The following LINGO2 variants were observed in gnomAD, a reference collection of about 807,000 sequenced individuals.
The protein encoded by LINGO2 is leucine-rich repeat and immunoglobulin-like domain-containing nogo receptor-interacting protein 2.
In LINGO2, 14 loss-of-function variants were observed where a neutral mutation model predicts 30.6. The observed-to-expected ratio is 0.46, with a 90% CI of 0.30 to 0.72. The LOEUF (loss-of-function observed/expected upper bound fraction) is 0.72, where lower values mean the gene tolerates loss of function less well. Ranked by LOEUF, LINGO2 falls within the 30% of genes least tolerant of loss-of-function variation. The pLI is 0.07. For synonymous variants in LINGO2, 317 were observed against 288.5 expected (o/e 1.10, Z -1.00); for missense variants, 729 against 751.7 (o/e 0.97, Z 0.35).
chr9:28,045,983 C>T (rs1358757417), intron 4 of LINGO2, among the ~76,000 whole-genome samples: 1 of 152,068 alleles, frequency 6.6e-6, no homozygotes, highest in Non-Finnish European at 1.5e-5. Flanking sequence ...TCATGTGTCC[C>T]TTTGGCAAAA....
At chr9:28,971,231 A>G in the LINGO2 span, among the ~76,000 whole-genome samples, 1 of 152,194 alleles carries the variant, frequency 6.6e-6, no homozygotes, top group Non-Finnish European at 1.5e-5. Context: ...AATCAAAAGT[A>G]ATACCCAGGT....
At chr9:29,135,415 A>G in the LINGO2 span, among the ~76,000 whole-genome samples, 37,355 of 151,804 alleles carry the variant, frequency 0.25, 4,773 homozygotes, top group East Asian at 0.44. Flanking sequence ...AAAATTAGCC[A>G]GGCATGGTGG....
intron 4 of LINGO2, among the ~76,000 whole-genome samples, chr9:28,154,202 A>G (rs1828072356): frequency 6.6e-6 from 1 of 152,188 alleles, no homozygotes; most frequent in African/African-American, 2.4e-5. Flanking sequence ...CCACATTTCT[A>G]TCAAAGACAT....
chr9:28,103,649 T>G (rs189173732), intron 4 of LINGO2, among the ~76,000 whole-genome samples: 1 of 152,300 alleles, frequency 6.6e-6, no homozygotes, highest in Non-Finnish European at 1.5e-5. Flanking sequence ...CTATTTAGCT[T>G]AGCCTAATCA....
At chr9:28,688,488 A>G in the LINGO2 span, among the ~76,000 whole-genome samples, 1 of 152,152 alleles carries the variant, frequency 6.6e-6, no homozygotes, top group Non-Finnish European at 1.5e-5. Context: ...TGGCAATGTT[A>G]TCTGTAACCA....
chr9:28,751,366 C>T, the LINGO2 span, among the ~76,000 whole-genome samples: 1 of 149,744 alleles, frequency 6.7e-6, no homozygotes, highest in South Asian at 2.1e-4. Flanking sequence ...TGAACCAGAA[C>T]CAGCATGTCC....
At chr9:28,748,405 T>C in the LINGO2 span, among the ~76,000 whole-genome samples, 2 of 132,688 alleles carry the variant, frequency 1.5e-5, no homozygotes, top group African/African-American at 5.6e-5. Flanking sequence ...TTCTAACAAC[T>C]TCTTAAAAAA....
At chr9:29,031,440 G>A in the LINGO2 span, among the ~76,000 whole-genome samples, 10 of 151,954 alleles carry the variant, frequency 6.6e-5, no homozygotes, top group African/African-American at 2.4e-4. Context: ...TTGCCACCAT[G>A]CCTGGCTAAT....
At chr9:29,107,261 A>C in the LINGO2 span, among the ~76,000 whole-genome samples, 3 of 152,180 alleles carry the variant, frequency 2.0e-5, no homozygotes, top group African/African-American at 2.4e-5. Flanking sequence ...ATTCACAAAG[A>C]TTACAATATA....
At chr9:28,231,002 C>A (rs1821335329) in intron 4 of LINGO2, among the ~76,000 whole-genome samples, 1 of 151,864 alleles carries the variant, frequency 6.6e-6, no homozygotes, top group African/African-American at 2.4e-5. Flanking sequence ...TCAGCTATGA[C>A]CACTATTTAT....
intron 4 of LINGO2, among the ~76,000 whole-genome samples, chr9:28,246,704 A>G (rs1822012204): frequency 6.6e-6 from 1 of 152,166 alleles, no homozygotes; most frequent in South Asian, 2.1e-4. Flanking sequence ...AAAAGCTTGT[A>G]TGATGACATC....
the LINGO2 span, among the ~76,000 whole-genome samples, chr9:29,082,112 C>T: frequency 1.3e-5 from 2 of 152,054 alleles, no homozygotes; most frequent in Non-Finnish European, 2.9e-5. Flanking sequence ...AAAGAGCCTG[C>T]ATCGCCAAGT....
At chr9:28,681,074 G>A in the LINGO2 span, among the ~76,000 whole-genome samples, 34 of 152,002 alleles carry the variant, frequency 2.2e-4, no homozygotes, top group South Asian at 1.0e-3. Context: ...GAAGTTTCAC[G>A]TCTTATATGA....
At chr9:28,848,588 A>G in the LINGO2 span, among the ~76,000 whole-genome samples, 1 of 150,770 alleles carries the variant, frequency 6.6e-6, no homozygotes, top group African/African-American at 2.4e-5. Context: ...TCATCTCAAC[A>G]AGACCCTCTG....
At chr9:28,098,776 T>C (rs1587845197) in intron 4 of LINGO2, among the ~76,000 whole-genome samples, 1 of 152,302 alleles carries the variant, frequency 6.6e-6, no homozygotes, top group African/African-American at 2.4e-5. Flanking sequence ...ACACAGAATA[T>C]GTCAAGTGGA....
the LINGO2 span, among the ~76,000 whole-genome samples, chr9:28,678,128 T>C: frequency 6.8e-6 from 1 of 147,332 alleles, no homozygotes; most frequent in African/African-American, 2.5e-5. Flanking sequence ...TGACTTCCTG[T>C]TGTGCTTTGA....
At chr9:28,011,963 G>T (rs1186677725) in intron 5 of LINGO2, among the ~76,000 whole-genome samples, 1 of 150,694 alleles carries the variant, frequency 6.6e-6, no homozygotes, top group Non-Finnish European at 1.5e-5. Flanking sequence ...CAGTCACATT[G>T]TGTGGGTCAC....
At chr9:28,906,767 T>C in the LINGO2 span, among the ~76,000 whole-genome samples, 17,133 of 151,994 alleles carry the variant, frequency 0.11, 964 homozygotes, top group South Asian at 0.16. Flanking sequence ...GCAAAAGATG[T>C]ATAAAATAAT....
At chr9:28,847,956 TAC>T in the LINGO2 span, among the ~76,000 whole-genome samples, 537 of 75,118 alleles carry the variant, frequency 7.1e-3, 38 homozygotes, top group African/African-American at 0.019. Flanking sequence ...TGCATATATA[TAC>T]ACACATATAT....
Sources: allele counts gnomAD v4.1 joint callset (sites outside exome capture counted in the v4.1 genomes callset), GRCh38; gene constraint gnomAD v4.1.1; transcripts MANE v1.5; gene names NCBI Gene and HGNC (gene_info 2026-07-23, HGNC 2026-07-21).